The following C14orf39 variants were observed in gnomAD, a reference collection of about 807,000 sequenced individuals.
C14orf39 encodes chromosome 14 open reading frame 39.
Under a neutral mutation model 85.6 loss-of-function variants are expected in C14orf39, and 66 were observed. The observed-to-expected ratio is 0.77, with a 90% CI of 0.63 to 0.95. C14orf39 has a LOEUF of 0.95. Ranked by LOEUF, C14orf39 falls within the 40% of genes least tolerant of loss-of-function variation. The pLI, the probability that C14orf39 is intolerant of heterozygous loss-of-function variation, is 0.00. For synonymous variants in C14orf39, 242 were observed against 214.0 expected (o/e 1.13, Z -1.14); for missense variants, 735 against 663.9 (o/e 1.11, Z -1.18).
chr14:60,453,231 G>T (rs1457145180), intron 16 of C14orf39, among the ~76,000 whole-genome samples: 3 of 151,904 alleles, frequency 2.0e-5, no homozygotes, highest in African/African-American at 7.2e-5. Flanking sequence ...CATGTATTTT[G>T]AAGCTGTTAT....
At chr14:60,505,637 A>AAGG (rs1204418076) in intron 1 of C14orf39, among the ~76,000 whole-genome samples, 2 of 152,228 alleles carry the variant, frequency 1.3e-5, no homozygotes. Context: ...GATGCAGCAC[A>AAGG]AATGTCTTTA....
At chr14:60,464,068 G>A (rs1363352872) in intron 11 of C14orf39, among the ~76,000 whole-genome samples, 1 of 152,118 alleles carries the variant, frequency 6.6e-6, no homozygotes, top group African/African-American at 2.4e-5. Flanking sequence ...CCAATGAAAT[G>A]ATATCATAAA....
chr14:60,487,969 T>C (rs545634922), upstream of C14orf39, among the ~76,000 whole-genome samples: 17 of 152,194 alleles, frequency 1.1e-4, no homozygotes, highest in African/African-American at 3.9e-4. Flanking sequence ...GATTGTTTGT[T>C]TTCTTGCTTA....
At chr14:60,511,481 C>T in intron 1 of C14orf39, 2 of 607,958 alleles carry the variant, frequency 3.3e-6, no homozygotes, top group South Asian at 3.9e-5. Context: ...TGACCCAGCA[C>T]CACGTTCTTC....
intron 4 of C14orf39, among the ~76,000 whole-genome samples, chr14:60,482,011 T>C (rs962206170): frequency 2.0e-5 from 3 of 152,210 alleles, no homozygotes; most frequent in African/African-American, 7.2e-5. Context: ...CTCTCAAAGA[T>C]TATATAGCAC....
intron 15 of C14orf39, 103 bp from the exon 16 acceptor site, chr14:60,455,248 G>C (rs1277753941): frequency 2.7e-6 from 2 of 730,880 alleles, no homozygotes; most frequent in East Asian, 6.1e-5. Context: ...TAGCATAGTA[G>C]GGAAATGTAG....
intron 5 of C14orf39, among the ~76,000 whole-genome samples, chr14:60,476,609 C>T (rs113097318): frequency 1.2e-3 from 185 of 152,262 alleles, no homozygotes; most frequent in African/African-American, 4.3e-3. Flanking sequence ...CACAGAAGTC[C>T]TCTATAACAA....
At chr14:60,470,877 T>C (rs765088073) in intron 7 of C14orf39, among the ~76,000 whole-genome samples, 28 of 151,882 alleles carry the variant, frequency 1.8e-4, no homozygotes, top group Admixed American at 1.3e-4. Context: ...TCAGGGAAGA[T>C]CTCTCTGACA....
At chr14:60,510,095 T>A in intron 1 of C14orf39, 1 of 871,944 alleles carries the variant, frequency 1.1e-6, no homozygotes, top group Non-Finnish European at 1.9e-6. Flanking sequence ...CGGTCTGTCT[T>A]GGGTTAAGAG....
At chr14:60,453,862 G>T (rs772152720) in intron 16 of C14orf39, among the ~76,000 whole-genome samples, 2 of 151,768 alleles carry the variant, frequency 1.3e-5, no homozygotes, top group Non-Finnish European at 3.0e-5. Flanking sequence ...ATTATATTGG[G>T]AAGAAATTTA....
Position 60,471,770 on chromosome 14 carries a change from TAAC to T in C14orf39, c.324-34_324-32del, listed in dbSNP as rs546107989. 1,189 of 1,309,076 alleles carry T rather than the reference TAAC, an allele frequency of 9.1e-4. 7 individuals are homozygous for T. The African/African-American group carries it at 0.012, about 13-fold the overall frequency. The allele number at this position is 1,309,076 out of a possible 1,614,324, so 81.1% of individuals were successfully genotyped here. On this transcript the variant is annotated intron_variant, in intron 5 of 17. Transcript: ENST00000321731. ...AAAATTAAAAGAAATGATGTTTATA[TAAC>T]AACAACAGATCTAAAAACTTTGTGA...
chr14:60,514,636 T>G (rs2140192200), intron 1 of C14orf39, among the ~76,000 whole-genome samples: 1 of 151,366 alleles, frequency 6.6e-6, no homozygotes, highest in African/African-American at 2.4e-5. Flanking sequence ...GAGAAGACGA[T>G]GGGGGTGGGG....
intron 5 of C14orf39, among the ~76,000 whole-genome samples, chr14:60,476,921 G>A (rs1242413828): frequency 6.6e-6 from 1 of 152,060 alleles, no homozygotes. Flanking sequence ...ACAATGCCTT[G>A]ACTACTAGGA....
intron 1 of C14orf39, among the ~76,000 whole-genome samples, chr14:60,505,797 G>A (rs1377237478): frequency 1.3e-5 from 2 of 152,214 alleles, no homozygotes; most frequent in African/African-American, 4.8e-5. Flanking sequence ...CCCAGAGGTA[G>A]GAAAGTATTG....
chr14:60,495,172 A>G (rs768907919), intron 2 of C14orf39: 26 of 196,482 alleles, frequency 1.3e-4, no homozygotes, highest in Non-Finnish European at 2.0e-4. Flanking sequence ...ACGGTAATGC[A>G]TTTTGAGGGA....
Position 60,513,544 on chromosome 14 carries a change from C to G in C14orf39, c.-144+1851G>C, listed in dbSNP as rs892496832. ...GGATATCCACTCTTGTTCCCCAGCC[C>G]CACCCCACCCTTAGCTATGGGGCTG... On this transcript the variant is annotated intron_variant, in intron 1 of 5. Coordinates refer to the C14orf39 transcript ENST00000556799. 4.6e-5 allele frequency among the ~76,000 whole-genome samples: 7 copies of G among 152,294 alleles called. No individual in the cohort carries two copies. In the East Asian group the frequency reaches 1.2e-3, roughly 25 times the overall value.
chr14:60,492,897 T>C (rs1893012026), intron 2 of C14orf39, among the ~76,000 whole-genome samples: 1 of 152,208 alleles, frequency 6.6e-6, no homozygotes, highest in Non-Finnish European at 1.5e-5. Context: ...TCTTCATAAT[T>C]ACATGGCATC....
chr14:60,473,944 G>C (rs1429907827), intron 5 of C14orf39, among the ~76,000 whole-genome samples: 1 of 152,172 alleles, frequency 6.6e-6, no homozygotes, highest in Non-Finnish European at 1.5e-5. Flanking sequence ...TGTGATGAAA[G>C]TCATTGGTAG....
intron 9 of C14orf39, 48 bp downstream of exon 9, chr14:60,468,397 T>A: frequency 8.4e-7 from 1 of 1,195,950 alleles, no homozygotes; most frequent in East Asian, 2.5e-5. Flanking sequence ...AACTTTTAGA[T>A]GCAAAATATC....
Sources: gnomAD v4.1 joint callset for allele counts (sites outside exome capture counted in the v4.1 genomes callset) on GRCh38, gnomAD v4.1.1 for gene constraint, MANE v1.5 for transcripts, NCBI Gene and HGNC (gene_info 2026-07-23, HGNC 2026-07-21) for gene names.